The following NXPE2 variants were observed in gnomAD, a reference collection of about 807,000 sequenced individuals.
The protein encoded by NXPE2 is NXPE family member 2.
In NXPE2, 34 loss-of-function variants were observed where a neutral mutation model predicts 34.4. That is an observed-to-expected ratio of 0.99 (90% CI 0.75 to 1.31). NXPE2 has a LOEUF of 1.31. Ranked by LOEUF, NXPE2 falls within the 40% of genes most tolerant of loss-of-function variation. The probability of loss-of-function intolerance (pLI) is 0.00; values close to 1 mark genes in which losing one functional copy is unlikely to be tolerated. For synonymous variants in NXPE2, 235 were observed against 231.3 expected (o/e 1.02, Z -0.15); for missense variants, 649 against 672.5 (o/e 0.97, Z 0.39).
chr11:114,554,876 A>G, the NXPE2 span, among the ~76,000 whole-genome samples: 2 of 152,140 alleles, frequency 1.3e-5, no homozygotes, highest in Non-Finnish European at 2.9e-5. Flanking sequence ...GCATGGGCCC[A>G]TTTGTGGGCC....
chr11:114,585,563 A>G, the NXPE2 span, among the ~76,000 whole-genome samples: 2 of 152,306 alleles, frequency 1.3e-5, no homozygotes, highest in African/African-American at 2.4e-5. Flanking sequence ...AAAGAGATCA[A>G]TTCATCAAGA....
At chr11:114,773,285 C>CCCG in the NXPE2 span, among the ~76,000 whole-genome samples, 1 of 88,598 alleles carries the variant, frequency 1.1e-5, no homozygotes, top group African/African-American at 3.6e-5. Context: ...TCCCACCCCC[C>CCCG]CCCCACCCCA....
At chr11:114,807,405 T>C in the NXPE2 span, among the ~76,000 whole-genome samples, 26 of 152,246 alleles carry the variant, frequency 1.7e-4, no homozygotes, top group African/African-American at 5.8e-4. Flanking sequence ...GCAAATTGGA[T>C]AAAGAGTCAA....
chr11:114,505,636 A>T, the NXPE2 span, among the ~76,000 whole-genome samples: 2 of 152,196 alleles, frequency 1.3e-5, no homozygotes, highest in East Asian at 1.9e-4. Context: ...TAAGCTTCAT[A>T]AGTAAAGGAG....
the NXPE2 span, among the ~76,000 whole-genome samples, chr11:114,751,875 G>A: frequency 6.6e-6 from 1 of 152,162 alleles, no homozygotes; most frequent in Admixed American, 6.5e-5. Context: ...AGAAGGCAAC[G>A]TGATGATGAA....
chr11:114,520,026 T>C, the NXPE2 span, among the ~76,000 whole-genome samples: 2 of 149,066 alleles, frequency 1.3e-5, no homozygotes, highest in African/African-American at 5.1e-5. Flanking sequence ...GTGGTCTCGA[T>C]CTCCTGACCT....
At chr11:114,722,937 A>G in the NXPE2 span, among the ~76,000 whole-genome samples, 1 of 152,216 alleles carries the variant, frequency 6.6e-6, no homozygotes, top group East Asian at 1.9e-4. Flanking sequence ...ACAAAAGAAA[A>G]TGAAAGCTCT....
At chr11:114,789,192 C>CA in the NXPE2 span, among the ~76,000 whole-genome samples, 1 of 152,110 alleles carries the variant, frequency 6.6e-6, no homozygotes, top group East Asian at 1.9e-4. Context: ...TTTCTTACCA[C>CA]AAAAAATAGC....
chr11:114,801,452 A>C, the NXPE2 span, among the ~76,000 whole-genome samples: 1 of 152,256 alleles, frequency 6.6e-6, no homozygotes, highest in Non-Finnish European at 1.5e-5. Context: ...GGGACAGATC[A>C]TAGAGTCTTG....
the NXPE2 span, among the ~76,000 whole-genome samples, chr11:114,639,459 G>A: frequency 1.3e-5 from 2 of 151,468 alleles, no homozygotes; most frequent in African/African-American, 2.4e-5. Flanking sequence ...GCTCATGCAC[G>A]CTGCGCTGCC....
At chr11:114,594,748 A>T in the NXPE2 span, 1 of 1,541,588 alleles carries the variant, frequency 6.5e-7, no homozygotes, top group Non-Finnish European at 8.9e-7. Flanking sequence ...AATTTATCAT[A>T]CTTATTTTCA....
chr11:114,581,207 G>T, the NXPE2 span, among the ~76,000 whole-genome samples: 9 of 152,144 alleles, frequency 5.9e-5, no homozygotes, highest in Admixed American at 3.9e-4. Context: ...AGGCTATTTG[G>T]ATTCAAAGAA....
At chr11:114,493,522 ATATCT>A in the NXPE2 span, among the ~76,000 whole-genome samples, 2 of 152,192 alleles carry the variant, frequency 1.3e-5, no homozygotes, top group African/African-American at 2.4e-5. Flanking sequence ...TTTTCAAATA[ATATCT>A]TATAACCCAT....
the NXPE2 span, among the ~76,000 whole-genome samples, chr11:114,518,902 A>AT: frequency 0.24 from 36,896 of 152,128 alleles, 6,655 homozygotes; most frequent in African/African-American, 0.5. Flanking sequence ...ATAAAGAAGT[A>AT]TTCCCTAGTT....
chr11:114,694,315 A>G (rs1393540160), intron 2 of NXPE2, among the ~76,000 whole-genome samples: 1 of 152,188 alleles, frequency 6.6e-6, no homozygotes, highest in Admixed American at 6.5e-5. Flanking sequence ...TAGATATCTT[A>G]TCCTTGTTCT....
At chr11:114,533,258 T>C in the NXPE2 span, among the ~76,000 whole-genome samples, 1 of 152,080 alleles carries the variant, frequency 6.6e-6, no homozygotes, top group Non-Finnish European at 1.5e-5. Flanking sequence ...CAAAACAAAC[T>C]CACAAACTCA....
the NXPE2 span, among the ~76,000 whole-genome samples, chr11:114,536,848 G>T: frequency 3.3e-5 from 5 of 152,158 alleles, no homozygotes; most frequent in Admixed American, 3.3e-4. Context: ...AATTCTACCA[G>T]AGGTACAAAG....
the NXPE2 span, among the ~76,000 whole-genome samples, chr11:114,525,006 C>T: frequency 6.6e-5 from 10 of 152,016 alleles, no homozygotes; most frequent in South Asian, 2.1e-4. Flanking sequence ...AAATCTTGCC[C>T]GTAGGTCAAA....
the NXPE2 span, chr11:114,527,240 A>G: frequency 6.6e-6 from 1 of 152,266 alleles, no homozygotes; most frequent in South Asian, 2.1e-4. Flanking sequence ...ATGTGAGGAA[A>G]AATAAATAAA....
Sources: gnomAD v4.1 joint callset for allele counts (sites outside exome capture counted in the v4.1 genomes callset) on GRCh38, gnomAD v4.1.1 for gene constraint, MANE v1.5 for transcripts, NCBI Gene and HGNC (gene_info 2026-07-23, HGNC 2026-07-21) for gene names.